Variants in TLN2 observed in about 807,000 individuals in gnomAD.
TLN2 encodes talin 2, also known as talin-2.
TLN2 carries 118 observed loss-of-function variants against 294.7 expected under a neutral mutation model. That is an observed-to-expected ratio of 0.40 (90% CI 0.34 to 0.47). The LOEUF (loss-of-function observed/expected upper bound fraction) is 0.47, where lower values mean the gene tolerates loss of function less well. Ranked by LOEUF, TLN2 falls within the 20% of genes least tolerant of loss-of-function variation. TLN2 has a pLI of 0.84. For synonymous variants in TLN2, 1,431 were observed against 1,304.5 expected, an observed-to-expected ratio of 1.10 and a Z score of -2.09; for missense variants, 3,083 against 3,282.2, an observed-to-expected ratio of 0.94 and a Z score of 1.48.
intron 1 of TLN2, among the ~76,000 whole-genome samples, chr15:62,561,655 GTCTC>G (rs555816577): frequency 2.4e-3 from 371 of 152,208 alleles, no homozygotes; most frequent in Non-Finnish European, 4.5e-3. Flanking sequence ...AGGAAAGTCT[GTCTC>G]TCTCTCTTTT....
chr15:62,542,832 A>G (rs781055943), intron 1 of TLN2, among the ~76,000 whole-genome samples: 26 of 151,994 alleles, frequency 1.7e-4, no homozygotes, highest in Non-Finnish European at 3.2e-4. Flanking sequence ...GGCCTTACGA[A>G]TGAACGCCAC....
chr15:62,730,303 G>A (rs2060652541), intron 28 of TLN2, among the ~76,000 whole-genome samples: 1 of 152,018 alleles, frequency 6.6e-6, no homozygotes, highest in Admixed American at 6.5e-5. Context: ...GCCTCCCAAA[G>A]TGCTGGGATT....
chr15:62,637,007 C>G, intron 3 of TLN2, among the ~76,000 whole-genome samples: 1 of 152,004 alleles, frequency 6.6e-6, no homozygotes, highest in Non-Finnish European at 1.5e-5. Context: ...GTATCCATCA[C>G]AGTGGTGTGT....
Position 62,496,439 on chromosome 15 carries a change from G to A in TLN2, c.-237-93248G>A, listed in dbSNP as rs78182958. Among the ~76,000 whole-genome samples, 383 of 152,250 alleles carry A rather than the reference G, an allele frequency of 2.5e-3. 2 individuals are homozygous for A. The highest frequency in any genetic ancestry group is 8.9e-3 in the African/African-American group (370 of 41,542). On this transcript the variant is annotated intron_variant, in intron 1 of 58. Transcript: ENST00000636159. Reference sequence around the variant, plus strand: ...TGTGTATTGTAAAAGAGCTCCACCCGTGACTAGGATGGGTGTCAGGACTCA... The same window carrying A: ...TGTGTATTGTAAAAGAGCTCCACCCATGACTAGGATGGGTGTCAGGACTCA...
At chr15:62,747,014 T>A (rs2061653864) in intron 32 of TLN2, among the ~76,000 whole-genome samples, 3 of 152,152 alleles carry the variant, frequency 2.0e-5, no homozygotes, top group African/African-American at 7.2e-5. Flanking sequence ...GCAACACATA[T>A]CAATGGTGAA....
chr15:62,582,246 A>ACACACACACACACACACACCC (rs764248336), intron 1 of TLN2, among the ~76,000 whole-genome samples: 4 of 137,308 alleles, frequency 2.9e-5, no homozygotes, highest in South Asian at 2.5e-4. Flanking sequence ...ACACACACAC[A>ACACACACACACACACACACCC]CATTCATGCC....
At chr15:62,535,646 C>A (rs2041304894) in intron 1 of TLN2, among the ~76,000 whole-genome samples, 1 of 151,554 alleles carries the variant, frequency 6.6e-6, no homozygotes, top group South Asian at 2.1e-4. Context: ...ACCTCTGCCT[C>A]CCAGGTTCAA....
chr15:62,726,763 G>A (rs778594037), intron 27 of TLN2, among the ~76,000 whole-genome samples: 48 of 152,168 alleles, frequency 3.2e-4, no homozygotes, highest in South Asian at 4.1e-4. Context: ...TTTGTTGAGA[G>A]CCTACATTAA....
intron 2 of TLN2, among the ~76,000 whole-genome samples, chr15:62,607,763 G>A: frequency 6.6e-6 from 1 of 152,084 alleles, no homozygotes. Context: ...ACAAGTCCAT[G>A]TATGTGTATG....
intron 1 of TLN2, among the ~76,000 whole-genome samples, chr15:62,421,813 A>G (rs1319006026): frequency 6.6e-6 from 1 of 152,132 alleles, no homozygotes; most frequent in Non-Finnish European, 1.5e-5. Flanking sequence ...CCCTGAACTT[A>G]AAAGTTAAAT....
intron 2 of TLN2, among the ~76,000 whole-genome samples, chr15:62,602,924 G>T (rs1005621532): frequency 6.8e-6 from 1 of 147,932 alleles, no homozygotes; most frequent in Non-Finnish European, 1.5e-5. Context: ...ACTGAGTCTC[G>T]CTCTGTTGCC....
chr15:62,756,854 G>A (rs747407916), intron 37 of TLN2, among the ~76,000 whole-genome samples: 12 of 151,988 alleles, frequency 7.9e-5, no homozygotes, highest in East Asian at 2.0e-4. Flanking sequence ...CATGGGGCTC[G>A]CACCCCAGTC....
intron 1 of TLN2, among the ~76,000 whole-genome samples, chr15:62,507,213 C>G (rs1369360976): frequency 6.6e-6 from 1 of 152,064 alleles, no homozygotes; most frequent in African/African-American, 2.4e-5. Context: ...CTTTTTACTT[C>G]TTAGGTGTTG....
chr15:62,578,748 G>T (rs529579916), intron 1 of TLN2, among the ~76,000 whole-genome samples: 1 of 152,186 alleles, frequency 6.6e-6, no homozygotes, highest in African/African-American at 2.4e-5. Flanking sequence ...TGCTGTGCTC[G>T]TGTGTCCCTC....
chr15:62,631,577 T>TTTCCTTTCC (rs1567221968), intron 3 of TLN2, among the ~76,000 whole-genome samples: 1 of 101,348 alleles, frequency 9.9e-6, no homozygotes, highest in Non-Finnish European at 2.2e-5. Flanking sequence ...CTTTCCTTTC[T>TTTCCTTTCC]TTCTCTCTCT....
At chr15:62,593,648 G>A (rs568375720) in intron 2 of TLN2, among the ~76,000 whole-genome samples, 1 of 152,094 alleles carries the variant, frequency 6.6e-6, no homozygotes, top group African/African-American at 2.4e-5. Context: ...TTGAACCTTT[G>A]AAAACAATCA....
intron 50 of TLN2, among the ~76,000 whole-genome samples, chr15:62,803,067 C>A (rs538774642): frequency 7.0e-4 from 106 of 152,240 alleles, no homozygotes; most frequent in Non-Finnish European, 1.2e-3. Flanking sequence ...TTGATGTAAT[C>A]CCATTTGTCT....
intron 1 of TLN2, among the ~76,000 whole-genome samples, chr15:62,580,777 T>C (rs555158383): frequency 6.6e-6 from 1 of 152,178 alleles, no homozygotes; most frequent in South Asian, 2.1e-4. Flanking sequence ...ACATCCACCT[T>C]TATAGTATCA....
chr15:62,620,393 C>G (rs1407970448), intron 3 of TLN2, among the ~76,000 whole-genome samples: 9 of 152,070 alleles, frequency 5.9e-5, no homozygotes, highest in Non-Finnish European at 1.3e-4. Context: ...TTAATCTGAA[C>G]CTTTGGAAAT....
Sources: allele counts gnomAD v4.1 joint callset (sites outside exome capture counted in the v4.1 genomes callset), GRCh38; gene constraint gnomAD v4.1.1; transcripts MANE v1.5; gene names NCBI Gene and HGNC (gene_info 2026-07-23, HGNC 2026-07-21).